Variants in NUDCD1 observed in about 807,000 individuals in gnomAD.
The protein encoded by NUDCD1 is NudC domain containing 1.
In NUDCD1, 60 loss-of-function variants were observed where a neutral mutation model predicts 67.8. The ratio of observed to expected loss-of-function variants is 0.88; its 90% confidence interval spans 0.72 to 1.10. The LOEUF (loss-of-function observed/expected upper bound fraction) is 1.10, where lower values mean the gene tolerates loss of function less well. Among genes scored for constraint, NUDCD1 ranks in the 50% least tolerant of loss-of-function variants. NUDCD1 has a pLI of 0.00. For missense variants in NUDCD1, 643 were observed against 695.0 expected (o/e 0.93, Z 0.84); for synonymous variants, 244 against 230.8 (o/e 1.06, Z -0.52).
chr8:109,246,494 ATCAATG>A (rs776819507), intron 8 of NUDCD1, among the ~76,000 whole-genome samples: 8 of 152,234 alleles, frequency 5.3e-5, no homozygotes, highest in Admixed American at 2.6e-4. Context: ...TAATTAAAGT[ATCAATG>A]TCAATATGTC....
At chr8:109,313,180 T>A (rs1234507240) in intron 2 of NUDCD1, among the ~76,000 whole-genome samples, 2 of 152,274 alleles carry the variant, frequency 1.3e-5, no homozygotes, top group African/African-American at 4.8e-5. Flanking sequence ...TCTCCCTTAC[T>A]GCAAAAGTAA....
chr8:109,324,663 T>A (rs559858696), intron 1 of NUDCD1, among the ~76,000 whole-genome samples: 1 of 152,124 alleles, frequency 6.6e-6, no homozygotes, highest in Non-Finnish European at 1.5e-5. Context: ...GAAACCTAAG[T>A]GGCCAAAGGA....
rs994338889 is a variant in NUDCD1 at position 109,254,961 on chromosome 8, T to G, written c.1300-9480A>C. Among the ~76,000 whole-genome samples, 93 of 152,298 alleles carry G rather than the reference T, an allele frequency of 6.1e-4. 1 individual carries two copies. Among genetic ancestry groups the G allele is most frequent in the African/African-American group, 1.9e-3 (80 of 41,584 alleles). ...ATCAAGTATTTAGCTGATCTGTATT[T>G]ACTACCTTATTTAACCTTTGCTAAC... On this transcript the variant is annotated intron_variant, in intron 8 of 9. Coordinates refer to ENST00000239690, the MANE Select transcript of NUDCD1 (RefSeq NM_032869.4).
intron 1 of NUDCD1, among the ~76,000 whole-genome samples, chr8:109,330,568 C>T (rs908526334): frequency 6.6e-6 from 1 of 152,224 alleles, no homozygotes; most frequent in Admixed American, 6.5e-5. Context: ...GCAAAAGCCT[C>T]CTATCTGCTG....
At chr8:109,312,131 A>G (rs1008947186) in intron 2 of NUDCD1, among the ~76,000 whole-genome samples, 12 of 151,734 alleles carry the variant, frequency 7.9e-5, no homozygotes, top group African/African-American at 1.9e-4. Flanking sequence ...GTGAAACCCT[A>G]TCTCTACTAA....
At chr8:109,326,117 A>G (rs928676124) in intron 1 of NUDCD1, among the ~76,000 whole-genome samples, 1 of 152,214 alleles carries the variant, frequency 6.6e-6, no homozygotes, top group Non-Finnish European at 1.5e-5. Context: ...TAACAAATAC[A>G]TTTTCTTCAT....
intron 7 of NUDCD1, among the ~76,000 whole-genome samples, chr8:109,271,402 C>T (rs773171423): frequency 6.6e-6 from 1 of 152,164 alleles, no homozygotes; most frequent in African/African-American, 2.4e-5. Context: ...AAGAACCACA[C>T]TGAACTTCTG....
chr8:109,294,954 T>C (rs1814807545), intron 3 of NUDCD1, among the ~76,000 whole-genome samples: 1 of 151,974 alleles, frequency 6.6e-6, no homozygotes, highest in Admixed American at 6.6e-5. Flanking sequence ...CCCTCCCACC[T>C]CAATTAATCC....
rs994168386 is a variant in NUDCD1, at chr8:109,291,003, A to T, written c.641-1070T>A. 5.3e-5 allele frequency among the ~76,000 whole-genome samples: 8 copies of T among 152,088 alleles called. No individual in the cohort carries two copies. In the South Asian group the frequency reaches 1.7e-3, roughly 32 times the overall value. ...CCCTATAGATACATGCAGGGCCAAA[A>T]GTCCTACTTGACTTTAAAGATCCAA... On this transcript the variant is annotated intron_variant, in intron 4 of 9. Transcript: ENST00000239690.
At chr8:109,317,458 A>G (rs1208901910) in intron 2 of NUDCD1, among the ~76,000 whole-genome samples, 1 of 152,188 alleles carries the variant, frequency 6.6e-6, no homozygotes, top group Non-Finnish European at 1.5e-5. Flanking sequence ...CAAACATCCT[A>G]TGCCTCAGTT....
chr8:109,253,583 C>A (rs1813667987), intron 8 of NUDCD1, among the ~76,000 whole-genome samples: 1 of 152,156 alleles, frequency 6.6e-6, no homozygotes, highest in South Asian at 2.1e-4. Context: ...ATGCTCACAT[C>A]ATGACTTGAG....
intron 2 of NUDCD1, among the ~76,000 whole-genome samples, chr8:109,311,094 A>G (rs1013015630): frequency 6.6e-6 from 1 of 152,146 alleles, no homozygotes; most frequent in African/African-American, 2.4e-5. Flanking sequence ...GATTACAGGC[A>G]TAAGCCACCA....
chr8:109,322,669 C>T (rs1436126923), intron 1 of NUDCD1, among the ~76,000 whole-genome samples: 5 of 152,110 alleles, frequency 3.3e-5, no homozygotes, highest in Non-Finnish European at 5.9e-5. Flanking sequence ...TATGGTCCCA[C>T]GTCCTTACAA....
intron 2 of NUDCD1, among the ~76,000 whole-genome samples, chr8:109,320,883 T>G (rs1419669198): frequency 2.6e-5 from 4 of 152,116 alleles, no homozygotes. Context: ...TGTTTATACT[T>G]GCAAAAAACA....
chr8:109,254,535 G>T (rs1813686107), intron 8 of NUDCD1, among the ~76,000 whole-genome samples: 1 of 151,828 alleles, frequency 6.6e-6, no homozygotes, highest in South Asian at 2.1e-4. Flanking sequence ...AAATCCTTTG[G>T]GCAATAAAAT....
intron 8 of NUDCD1, among the ~76,000 whole-genome samples, chr8:109,265,293 T>G (rs1813968535): frequency 1.3e-5 from 2 of 151,994 alleles, no homozygotes; most frequent in South Asian, 4.1e-4. Flanking sequence ...ATAATTTAAA[T>G]TTTTCATTTC....
rs555386331 is a variant in NUDCD1, at chr8:109,276,138, T to A, written c.1029-642A>T. Among the ~76,000 whole-genome samples, 102 of 152,322 alleles carry A rather than the reference T, an allele frequency of 6.7e-4. 1 individual carries two copies. Among genetic ancestry groups the A allele is most frequent in the Middle Eastern group, 3.4e-3 (1 of 294 alleles). On this transcript the variant is annotated intron_variant, in intron 6 of 9. Coordinates refer to ENST00000239690, the MANE Select transcript of NUDCD1 (RefSeq NM_032869.4). ...CTTATTTAAAATCTAATTCTGTACA[T>A]GTAAACAACTAAACAATTCCAGATG...
chr8:109,301,463 T>C (rs1389278942), intron 2 of NUDCD1, among the ~76,000 whole-genome samples: 1 of 152,202 alleles, frequency 6.6e-6, no homozygotes, highest in Non-Finnish European at 1.5e-5. Context: ...ACACAAAGCC[T>C]GTTTGGTGGT....
chr8:109,332,947 T>C (rs1335677399), intron 1 of NUDCD1, among the ~76,000 whole-genome samples: 1 of 152,194 alleles, frequency 6.6e-6, no homozygotes, highest in Non-Finnish European at 1.5e-5. Flanking sequence ...ATTTTGTACA[T>C]ATCCCTATCA....
Sources: gnomAD v4.1 joint callset for allele counts (sites outside exome capture counted in the v4.1 genomes callset) on GRCh38, gnomAD v4.1.1 for gene constraint, MANE v1.5 for transcripts, NCBI Gene and HGNC (gene_info 2026-07-23, HGNC 2026-07-21) for gene names.